The following SLC25A26 variants were observed in gnomAD, a reference collection of about 807,000 sequenced individuals.
SLC25A26 encodes the protein solute carrier family 25 member 26.
A neutral mutation model predicts 37.8 loss-of-function variants in SLC25A26; 36 were observed. The observed-to-expected ratio is 0.95, with a 90% CI of 0.73 to 1.26. The LOEUF is 1.26. Ranked by LOEUF, SLC25A26 falls within the 50% of genes most tolerant of loss-of-function variation. The pLI is 0.00. For missense variants in SLC25A26, 390 were observed against 331.1 expected, an observed-to-expected ratio of 1.18 and a Z score of -1.38; for synonymous variants, 129 against 122.5, an observed-to-expected ratio of 1.05 and a Z score of -0.35.
At chr3:66,325,317 A>G (rs2075809989) in intron 5 of SLC25A26, among the ~76,000 whole-genome samples, 1 of 152,188 alleles carries the variant, frequency 6.6e-6, no homozygotes, top group African/African-American at 2.4e-5. Context: ...AGATTGATTG[A>G]TGGATGGATA....
chr3:66,253,252 CA>C lies in SLC25A26; in HGVS notation c.301-8791del, dbSNP rs558009761. On this transcript the variant is annotated intron_variant, in intron 3 of 9. Coordinates refer to ENST00000354883, the MANE Select transcript of SLC25A26 (RefSeq NM_001379210.1). ...GAAAGCTTGTCTCTAAAAAAAAAAG[CA>C]AAAAAAAGTTAGTCGGGCATGGTGG... is the stretch of plus-strand genomic sequence containing the variant. Among the ~76,000 whole-genome samples, 22 of 150,354 alleles carry C rather than the reference CA, an allele frequency of 1.5e-4. No homozygotes were observed. The South Asian group carries it at 4.2e-3, about 29-fold the overall frequency.
At chr3:66,275,637 TA>T (rs1305249828) in intron 5 of SLC25A26, among the ~76,000 whole-genome samples, 3 of 152,080 alleles carry the variant, frequency 2.0e-5, no homozygotes, top group African/African-American at 4.8e-5. Context: ...TAGCAAGAAT[TA>T]TGGAGTTCTC....
chr3:66,221,077 G>C lies in SLC25A26; in HGVS notation c.-18G>C, dbSNP rs782385094. 1.3e-6 allele frequency: 2 copies of C among 1,535,228 alleles called. No individual in the cohort carries two copies. Among genetic ancestry groups the C allele is most frequent in the Middle Eastern group, 3.3e-4 (2 of 5,982 alleles). On this transcript the variant is annotated 5_prime_UTR_variant, in exon 1 of 10. Coordinates refer to ENST00000354883, the MANE Select transcript of SLC25A26 (RefSeq NM_001379210.1). ...CTGCTCCGGCTTGGATTGTAGCCTTGACGAGGTCTGAGCGACCATGGACCG... is the reference window on the plus strand; with the variant it reads ...CTGCTCCGGCTTGGATTGTAGCCTTCACGAGGTCTGAGCGACCATGGACCG...
chr3:66,251,544 G>C (rs1268464936), intron 3 of SLC25A26, among the ~76,000 whole-genome samples: 1 of 152,200 alleles, frequency 6.6e-6, no homozygotes, highest in Non-Finnish European at 1.5e-5. Flanking sequence ...CCAGCCATCT[G>C]AGTCTGAGCT....
intron 1 of SLC25A26, among the ~76,000 whole-genome samples, chr3:66,214,146 C>G (rs2071326414): frequency 6.6e-6 from 1 of 152,068 alleles, no homozygotes; most frequent in East Asian, 1.9e-4. Flanking sequence ...GGGGGTGGAT[C>G]CCTCTTGAAT....
chr3:66,328,802 T>G (rs955023005), intron 5 of SLC25A26, among the ~76,000 whole-genome samples: 3 of 152,142 alleles, frequency 2.0e-5, no homozygotes, highest in Admixed American at 6.5e-5. Context: ...AGTTTCTATT[T>G]GTTGTCTAAA....
At chr3:66,261,800 G>A (rs1252714708) in intron 3 of SLC25A26, 2 of 339,162 alleles carry the variant, frequency 5.9e-6, no homozygotes, top group Non-Finnish European at 1.1e-5. Context: ...GTAGACAGAT[G>A]TTCTTGGAAC....
intron 5 of SLC25A26, among the ~76,000 whole-genome samples, chr3:66,280,871 C>G (rs1298659144): frequency 1.3e-5 from 2 of 152,072 alleles, no homozygotes; most frequent in Non-Finnish European, 2.9e-5. Flanking sequence ...AGCATGTCTC[C>G]TAAGAATGGA....
chr3:66,169,283 A>G (rs569963383), intron 1 of SLC25A26, among the ~76,000 whole-genome samples: 1 of 152,322 alleles, frequency 6.6e-6, no homozygotes, highest in East Asian at 1.9e-4. Flanking sequence ...AACTTAGTGC[A>G]GTATTAGATT....
chr3:66,221,070 T>C lies in SLC25A26; in HGVS notation c.-25T>C. ...TCCGCTTCTGCTCCGGCTTGGATTG[T>C]AGCCTTGACGAGGTCTGAGCGACCA... On this transcript the variant is annotated 5_prime_UTR_variant, in exon 1 of 10. The change abolishes the stop of an existing upstream ORF in the 5' untranslated region. Transcript: ENST00000354883. The C allele has an allele frequency of 6.5e-7, 1 of 1,535,532 alleles. No homozygotes were observed.
intron 5 of SLC25A26, among the ~76,000 whole-genome samples, chr3:66,327,926 T>A (rs2075878915): frequency 6.6e-6 from 1 of 151,462 alleles, no homozygotes; most frequent in Admixed American, 6.6e-5. Context: ...CAAAAAATAA[T>A]GCGCTGAAAG....
chr3:66,163,755 C>G (rs1290301280), intron 1 of SLC25A26, among the ~76,000 whole-genome samples: 3 of 152,178 alleles, frequency 2.0e-5, no homozygotes, highest in Non-Finnish European at 4.4e-5. Flanking sequence ...TGACCAAAGT[C>G]TGATTGAGCC....
intron 3 of SLC25A26, among the ~76,000 whole-genome samples, chr3:66,255,489 G>A (rs969979138): frequency 2.7e-5 from 4 of 148,184 alleles, no homozygotes; most frequent in Admixed American, 6.8e-5. Context: ...TATGGAGGGA[G>A]CATGTTTTTT....
intron 1 of SLC25A26, 131 bp from the exon 2 acceptor site, chr3:66,236,413 G>T (rs555973814): frequency 7.2e-5 from 41 of 565,584 alleles, no homozygotes; most frequent in Non-Finnish European, 1.0e-4. Flanking sequence ...TTGTGCCGCA[G>T]AAGTTGTGGA....
At chr3:66,327,811 G>A (rs1194745707) in intron 5 of SLC25A26, among the ~76,000 whole-genome samples, 1 of 151,538 alleles carries the variant, frequency 6.6e-6, no homozygotes, top group African/African-American at 2.4e-5. Flanking sequence ...GTGAGTCTTA[G>A]GACAGATCTG....
In SLC25A26 at chr3:66,310,559, A is replaced by G. The variant is rs117751307; in HGVS notation, c.454-35805A>G. On this transcript the variant is annotated intron_variant, in intron 5 of 9. Coordinates refer to ENST00000354883, the MANE Select transcript of SLC25A26 (RefSeq NM_001379210.1). ...TCATGATGCTAGCTGTTTATTTTGCACATTAGTTGATGCAGTTTCTTTGTG... is the reference window on the plus strand; with the variant it reads ...TCATGATGCTAGCTGTTTATTTTGCGCATTAGTTGATGCAGTTTCTTTGTG... Among the ~76,000 whole-genome samples the G allele has an allele frequency of 3.0e-3, 457 of 152,254 alleles. 3 individuals carry two copies. The highest frequency in any genetic ancestry group is 0.016 in the East Asian group (84 of 5,180).
chr3:66,213,876 G>C (rs952452553), intron 1 of SLC25A26, among the ~76,000 whole-genome samples: 1 of 152,120 alleles, frequency 6.6e-6, no homozygotes, highest in African/African-American at 2.4e-5. Flanking sequence ...GTTGCAGTGA[G>C]CTGAGGTCTT....
intron 7 of SLC25A26, among the ~76,000 whole-genome samples, chr3:66,366,490 A>G (rs332382): frequency 1 from 152,074 of 152,350 alleles, 75,899 homozygotes; most frequent in East Asian, 1. Flanking sequence ...ATAAAATACA[A>G]CTTCTCTCAT....
chr3:66,365,570 C>G (rs1031345445), intron 7 of SLC25A26, among the ~76,000 whole-genome samples: 1 of 152,090 alleles, frequency 6.6e-6, no homozygotes, highest in Non-Finnish European at 1.5e-5. Flanking sequence ...TGATTAGTTT[C>G]TCATAATAAA....
Sources: allele counts gnomAD v4.1 joint callset (sites outside exome capture counted in the v4.1 genomes callset), GRCh38; gene constraint gnomAD v4.1.1; transcripts MANE v1.5; gene names NCBI Gene and HGNC (gene_info 2026-07-23, HGNC 2026-07-21).